Variants in CHMP3 observed in about 807,000 individuals in gnomAD.
CHMP3 encodes the protein 25.1 protein.
In CHMP3, 8 loss-of-function variants were observed where a neutral mutation model predicts 27.4. The observed-to-expected ratio is 0.29, with a 90% CI of 0.17 to 0.53. CHMP3 has a LOEUF of 0.53. Ranked by LOEUF, CHMP3 falls within the 20% of genes least tolerant of loss-of-function variation. The probability of loss-of-function intolerance (pLI) is 0.96; values close to 1 mark genes in which losing one functional copy is unlikely to be tolerated. For missense variants in CHMP3, 208 were observed against 271.5 expected (o/e 0.77, Z 1.64); for synonymous variants, 86 against 85.5 (o/e 1.01, Z -0.03).
intron 2 of CHMP3, among the ~76,000 whole-genome samples, chr2:86,534,975 G>A (rs1323519684): frequency 6.6e-6 from 1 of 152,028 alleles, no homozygotes; most frequent in Non-Finnish European, 1.5e-5. Flanking sequence ...AATTACTGTG[G>A]GCTGGGCACA....
intron 3 of CHMP3, among the ~76,000 whole-genome samples, chr2:86,515,580 C>A (rs1023012509): frequency 6.6e-6 from 1 of 152,130 alleles, no homozygotes; most frequent in African/African-American, 2.4e-5. Context: ...CTCAGCCTCC[C>A]AAAGTGCTGA....
At chr2:86,514,847 TTA>T (rs1675235525) in intron 3 of CHMP3, among the ~76,000 whole-genome samples, 1 of 152,158 alleles carries the variant, frequency 6.6e-6, no homozygotes, top group African/African-American at 2.4e-5. Flanking sequence ...TTAAAAATGG[TTA>T]AAATGGCAAA....
intron 4 of CHMP3, among the ~76,000 whole-genome samples, chr2:86,509,655 T>C (rs1435552633): frequency 6.6e-6 from 1 of 152,102 alleles, no homozygotes; most frequent in Non-Finnish European, 1.5e-5. Flanking sequence ...CGTGATAAGG[T>C]CAGACTGCAG....
intron 2 of CHMP3, among the ~76,000 whole-genome samples, chr2:86,530,306 C>T (rs1675870743): frequency 6.6e-6 from 1 of 152,072 alleles, no homozygotes. Context: ...AACTCTTCAT[C>T]TTTCCCAAAA....
At chr2:86,523,661 C>T (rs2103926211) in intron 3 of CHMP3, among the ~76,000 whole-genome samples, 1 of 152,212 alleles carries the variant, frequency 6.6e-6, no homozygotes, top group Non-Finnish European at 1.5e-5. Flanking sequence ...AATCTAGCTT[C>T]CCCTACCCTC....
At chr2:86,514,637 T>C (rs1445862459) in intron 3 of CHMP3, among the ~76,000 whole-genome samples, 5 of 152,182 alleles carry the variant, frequency 3.3e-5, no homozygotes, top group Non-Finnish European at 7.3e-5. Context: ...GTTGAATGCA[T>C]AGAATGCAAT....
chr2:86,559,561 G>A (rs535385455), intron 1 of CHMP3, among the ~76,000 whole-genome samples: 5 of 152,184 alleles, frequency 3.3e-5, no homozygotes, highest in Non-Finnish European at 7.3e-5. Flanking sequence ...AACCACAGCT[G>A]GTGACAAAAC....
chr2:86,559,724 TG>T (rs1340871882), intron 1 of CHMP3, among the ~76,000 whole-genome samples: 1 of 152,160 alleles, frequency 6.6e-6, no homozygotes, highest in Non-Finnish European at 1.5e-5. Context: ...AAGAAAACCT[TG>T]GGCAGGGTAT....
chr2:86,559,131 T>C (rs962837458), intron 1 of CHMP3, among the ~76,000 whole-genome samples: 1 of 152,178 alleles, frequency 6.6e-6, no homozygotes, highest in Non-Finnish European at 1.5e-5. Flanking sequence ...CCCCACCCAA[T>C]GTAAGTGGGC....
At chr2:86,514,093 G>C (rs149445597) in intron 3 of CHMP3, among the ~76,000 whole-genome samples, 6 of 152,366 alleles carry the variant, frequency 3.9e-5, no homozygotes, top group Non-Finnish European at 7.3e-5. Context: ...AGATGAGTGA[G>C]AGTTGGTTAG....
chr2:86,513,882 T>A lies in CHMP3; in HGVS notation c.287-3403A>T, dbSNP rs898337592. On this transcript the variant is annotated intron_variant, in intron 3 of 5. Transcript: ENST00000263856. ...CTGCCTGATTGTTTTAGTGCACATA[T>A]GACTTAGACTAGAGATAATTGGGTT... Among the ~76,000 whole-genome samples the A allele has an allele frequency of 2.0e-4, 31 of 152,194 alleles. 1 individual carries two copies.
At chr2:86,553,768 G>A (rs1391546304) in intron 1 of CHMP3, among the ~76,000 whole-genome samples, 1 of 152,092 alleles carries the variant, frequency 6.6e-6, no homozygotes, top group African/African-American at 2.4e-5. Flanking sequence ...TGATATGAAG[G>A]TATTTTTGTT....
At chr2:86,514,497 T>A (rs894389328) in intron 3 of CHMP3, among the ~76,000 whole-genome samples, 3 of 152,200 alleles carry the variant, frequency 2.0e-5, no homozygotes, top group African/African-American at 7.2e-5. Context: ...AAGACCACAG[T>A]GGATTCACAT....
At chr2:86,560,706 T>A (rs866529794) in intron 1 of CHMP3, among the ~76,000 whole-genome samples, 38 of 138,766 alleles carry the variant, frequency 2.7e-4, no homozygotes, top group South Asian at 1.4e-3. Context: ...AAGTATAATT[T>A]AAAAAAAAAA....
At chr2:86,552,628 T>G (rs765786565) in intron 1 of CHMP3, among the ~76,000 whole-genome samples, 8 of 152,202 alleles carry the variant, frequency 5.3e-5, no homozygotes, top group Non-Finnish European at 8.8e-5. Context: ...GGTGTGTCAC[T>G]ACCTCAACCA....
At chr2:86,549,820 C>T (rs566700690) in intron 1 of CHMP3, among the ~76,000 whole-genome samples, 63 of 143,750 alleles carry the variant, frequency 4.4e-4, no homozygotes, top group African/African-American at 6.5e-4. Context: ...GCCTCCCAGG[C>T]GGGGTGGCCG....
In CHMP3 at chr2:86,560,191, G is replaced by A. The variant is rs1296890651; in HGVS notation, c.45+3113C>T. The stretch of plus-strand genomic sequence containing the variant: ...GAGGCAGGAGAATCCCTTGAACCCA[G>A]GAGGCGGAGGTTGCAGTGAGCTGAG... On this transcript the variant is annotated intron_variant, in intron 1 of 5. Coordinates refer to ENST00000263856, the MANE Select transcript of CHMP3 (RefSeq NM_016079.4). 2.0e-5 allele frequency among the ~76,000 whole-genome samples: 3 copies of A among 152,172 alleles called. No homozygotes were observed. The South Asian group carries it at 6.2e-4, about 31-fold the overall frequency.
At chr2:86,536,475 G>A (rs1052445468) in intron 2 of CHMP3, among the ~76,000 whole-genome samples, 5 of 151,476 alleles carry the variant, frequency 3.3e-5, no homozygotes, top group African/African-American at 1.2e-4. Context: ...TGACAGTTTT[G>A]CTAGACATAA....
chr2:86,548,928 C>T (rs1250086209), intron 1 of CHMP3, among the ~76,000 whole-genome samples: 1 of 147,236 alleles, frequency 6.8e-6, no homozygotes, highest in Non-Finnish European at 1.5e-5. Context: ...AGATGATGGG[C>T]CGGGCAGAGG....
Sources: allele counts gnomAD v4.1 joint callset (sites outside exome capture counted in the v4.1 genomes callset), GRCh38; gene constraint gnomAD v4.1.1; transcripts MANE v1.5; gene names NCBI Gene and HGNC (gene_info 2026-07-23, HGNC 2026-07-21).